SLC4A7: variants seen among roughly 807,000 people sequenced by gnomAD.
The protein encoded by SLC4A7 is solute carrier family 4 member 7, also known as sodium bicarbonate cotransporter 3.
A neutral mutation model predicts 137.6 loss-of-function variants in SLC4A7; 51 were observed. The ratio of observed to expected loss-of-function variants is 0.37; its 90% CI spans 0.30 to 0.47. The LOEUF (loss-of-function observed/expected upper bound fraction) is 0.47. Ranked by LOEUF, SLC4A7 falls within the 20% of genes least tolerant of loss-of-function variation. The pLI, the probability that SLC4A7 is intolerant of heterozygous loss-of-function variation, is 1.00. For synonymous variants in SLC4A7, 542 were observed against 518.6 expected, an observed-to-expected ratio of 1.05 and a Z score of -0.61; for missense variants, 1,247 against 1,525.4, an observed-to-expected ratio of 0.82 and a Z score of 3.04.
rs1253259860 is a variant in SLC4A7 at position 27,484,247 on chromosome 3, C to A, written c.-121G>T. The A allele has an allele frequency of 7.4e-6, 6 of 816,078 alleles. No homozygotes were observed. Among genetic ancestry groups the A allele is most frequent in the South Asian group, 5.5e-5 (1 of 18,340 alleles). The allele number at this position is 816,078 out of a possible 1,614,324, so 50.6% of individuals were successfully genotyped here. On this transcript the variant is annotated 5_prime_UTR_variant, in exon 1 of 26. Coordinates refer to ENST00000454389, the MANE Select transcript of SLC4A7 (RefSeq NM_001321103.2). ...CGCGCGAGGACAAACGTGGGTGCGT[C>A]CGTGCGCGAGGTGTGCGCGCGTGGG...
chr3:27,462,415 T>C (rs1196116948), intron 1 of SLC4A7: 3 of 152,204 alleles, frequency 2.0e-5, no homozygotes, highest in Non-Finnish European at 4.4e-5. Context: ...CTGACTCACA[T>C]TATGTTCCTG....
intron 3 of SLC4A7, among the ~76,000 whole-genome samples, chr3:27,442,954 G>T (rs918968126): frequency 2.6e-5 from 4 of 151,584 alleles, no homozygotes; most frequent in Non-Finnish European, 5.9e-5. Context: ...ATTGTCTTGG[G>T]AGCCGTTTTT....
intron 1 of SLC4A7, among the ~76,000 whole-genome samples, chr3:27,472,316 C>T (rs148049540): frequency 2.0e-5 from 3 of 152,086 alleles, no homozygotes; most frequent in East Asian, 1.9e-4. Flanking sequence ...AGCTGGTTTC[C>T]GCAATGCACG....
In SLC4A7 at chr3:27,409,415, A is replaced by C. The variant is rs752529515; in HGVS notation, c.1882T>G (p.Cys628Gly). The C allele has an allele frequency of 6.2e-7, 1 of 1,613,832 alleles. No individual in the cohort carries two copies. The highest frequency in any genetic ancestry group is 8.5e-7 in the Non-Finnish European group (1 of 1,179,796). Reference protein sequence around the residue: ...LASILFLYCACMSPVITFGGL... With the variant: ...LASILFLYCAGMSPVITFGGL... ...CCAAAAGTGATTACAGGAGACATAC[A>C]GGCACAGTATAGGAAAAGAATCGAG... Residue 628 changes from cysteine to glycine, a missense_variant, in exon 13 of 26, where the codon TGT (cysteine) becomes GGT (glycine). Coordinates refer to ENST00000454389, the MANE Select transcript of SLC4A7 (RefSeq NM_001321103.2).
rs1388851786 is a variant in SLC4A7, at chr3:27,373,045, G to A, written c.*3719C>T. 6.9e-6 allele frequency: 1 copy of A among 145,802 alleles called. No individual in the cohort carries two copies. The highest frequency in any genetic ancestry group is 2.6e-5 in the African/African-American group (1 of 39,050). The allele number at this position is 145,802 out of a possible 1,614,324, so 9.0% of individuals were successfully genotyped here. A position where few individuals can be genotyped will look rare whatever the true frequency, so the allele number is the denominator to read the frequency against. On this transcript the variant is annotated 3_prime_UTR_variant, in exon 26 of 26. Coordinates refer to ENST00000454389, the MANE Select transcript of SLC4A7 (RefSeq NM_001321103.2). ...ATTTATTTAAACGTAGTTAAACATTGGAAGACAATCTCCCCCATGGGGAAG... is the reference window on the plus strand; with the variant it reads ...ATTTATTTAAACGTAGTTAAACATTAGAAGACAATCTCCCCCATGGGGAAG...
At chr3:27,411,080 A>G (rs934895301) in intron 12 of SLC4A7, among the ~76,000 whole-genome samples, 2 of 152,178 alleles carry the variant, frequency 1.3e-5, no homozygotes, top group African/African-American at 2.4e-5. Context: ...TACTTCTACA[A>G]AATATTAAGG....
chr3:27,466,752 G>A (rs1019686209), intron 1 of SLC4A7, among the ~76,000 whole-genome samples: 3 of 152,026 alleles, frequency 2.0e-5, no homozygotes, highest in Non-Finnish European at 4.4e-5. Flanking sequence ...AGCTACTAGG[G>A]AGGCTGAGAC....
chr3:27,484,257 G>A lies in SLC4A7; in HGVS notation c.-131C>T, dbSNP rs1311456780. Reference sequence around the variant, plus strand: ...CAAACGTGGGTGCGTCCGTGCGCGAGGTGTGCGCGCGTGGGGAGAGCCGGG... The same window carrying A: ...CAAACGTGGGTGCGTCCGTGCGCGAAGTGTGCGCGCGTGGGGAGAGCCGGG... On this transcript the variant is annotated 5_prime_UTR_variant, in exon 1 of 26. Transcript: ENST00000454389. 2 of 697,296 alleles carry A rather than the reference G, an allele frequency of 2.9e-6. No homozygotes were observed. Among genetic ancestry groups the A allele is most frequent in the Non-Finnish European group, 3.9e-6 (2 of 507,448 alleles). The allele number at this position is 697,296 out of a possible 1,614,324, so 43.2% of individuals were successfully genotyped here.
At chr3:27,415,446 G>C (rs1320230878) in intron 11 of SLC4A7, among the ~76,000 whole-genome samples, 1 of 152,216 alleles carries the variant, frequency 6.6e-6, no homozygotes, top group East Asian at 1.9e-4. Context: ...GCACAAAACA[G>C]TTAGCTAACC....
chr3:27,384,028 G>A (rs1489921522), intron 23 of SLC4A7, among the ~76,000 whole-genome samples: 1 of 152,150 alleles, frequency 6.6e-6, no homozygotes, highest in Non-Finnish European at 1.5e-5. Flanking sequence ...CTTGGACAGT[G>A]GACACGGAAG....
chr3:27,446,158 C>T (rs968213743), intron 3 of SLC4A7, among the ~76,000 whole-genome samples: 1 of 150,118 alleles, frequency 6.7e-6, no homozygotes, highest in African/African-American at 2.4e-5. Flanking sequence ...TACTGTACAC[C>T]TTAAATGTAT....
rs1156950293 is a variant in SLC4A7, at chr3:27,443,024, C to CTTTTTTTTTTTTTTT, written c.290-5499_290-5498insAAAAAAAAAAAAAAA. ...CACCGCGCTGGGCATTCTCTTTTTT[C>CTTTTTTTTTTTTTTT]TTTTTTTCTTTTTTTTTTTTTTTTT... On this transcript the variant is annotated intron_variant, in intron 3 of 25. Transcript: ENST00000454389. Among the ~76,000 whole-genome samples, 3 of 102,142 alleles carry CTTTTTTTTTTTTTTT rather than the reference C, an allele frequency of 2.9e-5. 1 individual carries two copies. Among genetic ancestry groups the CTTTTTTTTTTTTTTT allele is most frequent in the Non-Finnish European group, 1.9e-5 (1 of 52,486 alleles). 67.0% of individuals were successfully genotyped at this position (102,142 alleles called of 152,430 possible). A position where few individuals can be genotyped will look rare whatever the true frequency, so the allele number is the denominator to read the frequency against.
intron 22 of SLC4A7, among the ~76,000 whole-genome samples, chr3:27,388,961 G>C (rs1352111719): frequency 6.6e-6 from 1 of 152,086 alleles, no homozygotes; most frequent in Non-Finnish European, 1.5e-5. Context: ...ATTCATGCAA[G>C]TGTTATTTTC....
chr3:27,403,089 C>T (rs747469886), intron 15 of SLC4A7, 50 bp downstream of exon 15: 12 of 1,547,412 alleles, frequency 7.8e-6, no homozygotes, highest in Admixed American at 2.1e-5. Context: ...GAGGCTCTGA[C>T]ATCTCTGTAA....
chr3:27,418,744 C>G (rs1366902349), intron 10 of SLC4A7, 112 bp from the exon 11 acceptor site: 3 of 644,752 alleles, frequency 4.7e-6, no homozygotes, highest in Non-Finnish European at 7.9e-6. Flanking sequence ...AACCCCTAAA[C>G]TCTTATCTCA....
Position 27,431,338 on chromosome 3 carries a change from G to A in SLC4A7, c.1110C>T (p.Gly370=), listed in dbSNP as rs758025215. ...PEEDLEAALK[G]EEQKNEENVD... ...CATTTTCCTCATTCTTCTGCTCCTC[G>A]CCTTTCAGCGCTGCTTCTAAGTCTT... Residue 370 remains glycine (G), a synonymous_variant, in exon 7 of 26, where the codon GGC becomes GGT. Transcript: ENST00000454389. The A allele has an allele frequency of 3.7e-6, 6 of 1,607,016 alleles. No individual in the cohort carries two copies. The highest frequency in any genetic ancestry group is 1.7e-5 in the Admixed American group (1 of 58,912).
intron 11 of SLC4A7, among the ~76,000 whole-genome samples, chr3:27,416,550 A>G (rs1039841309): frequency 1.3e-5 from 2 of 152,174 alleles, no homozygotes; most frequent in African/African-American, 2.4e-5. Flanking sequence ...TAATTTTTTG[A>G]TATTTCTAGG....
At position 27,434,058 on chromosome 3, in the gene SLC4A7, G is replaced by A. The variant is rs569576910; in HGVS notation, c.636C>T (p.Ser212=). 14 of 1,613,420 alleles carry A rather than the reference G, an allele frequency of 8.7e-6. 1 individual carries two copies. In the East Asian group the frequency reaches 2.7e-4, roughly 31 times the overall value. Residue 212 remains serine (S), a synonymous_variant, in exon 6 of 26, where the codon TCC becomes TCT. Transcript: ENST00000454389. Reference sequence around the variant, plus strand: ...GAGCTTCTCTGACATTCTCTCGTATGGACTCGTCTAATTGGCCAGAAGCTA... The same window carrying A: ...GAGCTTCTCTGACATTCTCTCGTATAGACTCGTCTAATTGGCCAGAAGCTA... ...NMIASGQLDE[S]IRENVREALL...
chr3:27,445,166 G>A (rs1043116360), intron 3 of SLC4A7, among the ~76,000 whole-genome samples: 1 of 152,186 alleles, frequency 6.6e-6, no homozygotes, highest in African/African-American at 2.4e-5. Context: ...ACTGTTTTCT[G>A]GTAGTTTTTC....
Sources: allele counts gnomAD v4.1 joint callset (sites outside exome capture counted in the v4.1 genomes callset), GRCh38; gene constraint gnomAD v4.1.1; transcripts MANE v1.5; gene names NCBI Gene and HGNC (gene_info 2026-07-23, HGNC 2026-07-21).